The following ABCA7 variants were observed in gnomAD, a reference collection of about 807,000 sequenced individuals.
ABCA7 encodes ATP binding cassette subfamily A member 7.
Under a neutral mutation model 227.6 loss-of-function variants are expected in ABCA7, and 261 were observed. The ratio of observed to expected loss-of-function variants is 1.15; its 90% CI spans 1.04 to 1.27. The LOEUF (loss-of-function observed/expected upper bound fraction) is 1.27, where lower values mean the gene tolerates loss of function less well. Among genes scored for constraint, ABCA7 ranks in the 50% most tolerant of loss-of-function variants. The pLI, the probability that ABCA7 is intolerant of heterozygous loss-of-function variation, is 0.00. For synonymous variants in ABCA7, 1,488 were observed against 1,279.7 expected, an observed-to-expected ratio of 1.16 and a Z score of -3.47; for missense variants, 3,331 against 2,924.5, an observed-to-expected ratio of 1.14 and a Z score of -3.21.
At chr19:1,059,198 G>C in intron 40 of ABCA7, 113 bp downstream of exon 40, 1 of 1,046,612 alleles carries the variant, frequency 9.6e-7, no homozygotes, top group Non-Finnish European at 1.3e-6. Context: ...CTTTTATTGG[G>C]CACCTACTGT....
At chr19:1,064,296 G>C (rs765952523) in intron 45 of ABCA7, 43 bp downstream of exon 45, 1 of 1,519,232 alleles carries the variant, frequency 6.6e-7, no homozygotes. Flanking sequence ...GTGAGGGTGG[G>C]CACGTAGGTA....
At position 1,049,440 on chromosome 19, in the gene ABCA7, G is replaced by T. The variant is rs745322858; in HGVS notation, c.2552+3G>T. On this transcript the variant is annotated splice_donor_region_variant and intron_variant, in intron 18 of 46. Transcript: ENST00000263094. The stretch of plus-strand genomic sequence containing the variant: ...GGGGCCGGCAAGACCACCACCCTGT[G>T]AGCCCCCAACCACTCCCTCCCCGTG... The T allele has an allele frequency of 6.3e-7, 1 of 1,591,834 alleles. No homozygotes were observed. Among genetic ancestry groups the T allele is most frequent in the Non-Finnish European group, 8.6e-7 (1 of 1,167,362 alleles).
At chr19:1,046,755 G>T in intron 13 of ABCA7, 47 bp from the exon 14 acceptor site, 3 of 1,505,808 alleles carry the variant, frequency 2.0e-6, no homozygotes, top group East Asian at 2.5e-5. Flanking sequence ...GCGGAGGGGG[G>T]GTCTGCGGAG....
intron 40 of ABCA7, 106 bp from the exon 41 acceptor site, chr19:1,061,676 G>T (rs1408049477): frequency 9.1e-7 from 1 of 1,096,874 alleles, no homozygotes; most frequent in African/African-American, 1.7e-5. Context: ...TCCAGCCTGG[G>T]AAACAAGAGC....
rs376057391 is a variant in ABCA7, at chr19:1,049,246, A to T, written c.2381-20A>T. 33 of 1,578,144 alleles carry T rather than the reference A, an allele frequency of 2.1e-5. No individual in the cohort carries two copies. Among genetic ancestry groups the T allele is most frequent in the Non-Finnish European group, 2.6e-5 (30 of 1,157,044 alleles). ...AGGACCCCCATGACCTCCATGGCTG[A>T]GTCCACCCCATCTCTGCAGTGCTGG... On this transcript the variant is annotated intron_variant, in intron 17 of 46. Transcript: ENST00000263094.
At chr19:1,060,207 A>ATATATATATATATATATATTTT in intron 40 of ABCA7, among the ~76,000 whole-genome samples, 2 of 96,770 alleles carry the variant, frequency 2.1e-5, no homozygotes, top group African/African-American at 7.0e-5. Flanking sequence ...ATATATATAT[A>ATATATATATATATATATATTTT]TTTTTTTTTC....
In ABCA7 at chr19:1,063,838, C is replaced by A. The variant is rs906507214; in HGVS notation, c.5926C>A (p.Arg1976Ser). 20 of 1,540,662 alleles carry A rather than the reference C, an allele frequency of 1.3e-5. No individual in the cohort carries two copies. The highest frequency in any genetic ancestry group is 1.6e-5 in the Non-Finnish European group (18 of 1,143,992). ...NSLLAVVREG[R>S]SVMLTSHSME... ...CCTTTTGGCCGTGGTGCGGGAGGGC[C>A]GTTCAGTGATGCTCACCTCCCATAG... The change falls in exon 44 of 47, where the codon CGT (arginine) becomes AGT (serine). Residue 1976 changes from arginine (R) to serine (S), a missense_variant. By Grantham distance (110) the Arg-to-Ser change is moderately radical. Coordinates refer to ENST00000263094, the MANE Select transcript of ABCA7 (RefSeq NM_019112.4).
chr19:1,046,361 G>A lies in ABCA7; in HGVS notation c.1577G>A (p.Gly526Asp), dbSNP rs746179626. The A allele has an allele frequency of 3.8e-6, 6 of 1,593,660 alleles. No homozygotes were observed. In the East Asian group the frequency reaches 6.7e-5, roughly 18 times the overall value. Residue 526 changes from glycine to aspartate, a missense_variant, in exon 13 of 47, where the codon GGC becomes GAC. Transcript: ENST00000263094. ...CTCAGCGGCGCCAACCCCCGGGCCG[G>A]CCTCTACCTGCAGCAGATGCCCTAT... ...RVLSGANPRA[G>D]LYLQQMPYPC...
intron 12 of ABCA7, 35 bp downstream of exon 12, chr19:1,045,266 T>C: frequency 1.5e-6 from 1 of 689,016 alleles, no homozygotes; most frequent in East Asian, 3.7e-5. Flanking sequence ...GATGAGGGAC[T>C]GGGCGGGGCC....
At position 1,057,016 on chromosome 19, in the gene ABCA7, A is replaced by T; in HGVS notation, c.4696A>T (p.Lys1566Ter). 1 of 1,613,866 alleles carries T rather than the reference A, an allele frequency of 6.2e-7. No homozygotes were observed. The highest frequency in any genetic ancestry group is 1.1e-5 in the South Asian group (1 of 91,084). ...VLIEERVTRA[K>*]HLQLMGGLSP... ...CATTGAGGAGCGAGTCACCCGAGCCAAGCACCTGCAGCTCATGGGGGGCCT... is the reference window on the plus strand; with the variant it reads ...CATTGAGGAGCGAGTCACCCGAGCCTAGCACCTGCAGCTCATGGGGGGCCT... Residue 1566 changes from lysine (K) to a stop codon, truncating the protein, a stop_gained, in exon 34 of 47, where the codon AAG (lysine) becomes TAG (stop). Coordinates refer to ENST00000263094, the MANE Select transcript of ABCA7 (RefSeq NM_019112.4). LOFTEE classifies it high-confidence loss of function.
At chr19:1,051,408 C>G in intron 20 of ABCA7, 41 bp from the exon 21 acceptor site, 2 of 718,486 alleles carry the variant, frequency 2.8e-6, no homozygotes, top group Non-Finnish European at 4.1e-6. Context: ...TTGCCCAAGG[C>G]TGGGTGTGAC....
chr19:1,059,978 G>T (rs1035086477), intron 40 of ABCA7, among the ~76,000 whole-genome samples: 2 of 152,076 alleles, frequency 1.3e-5, no homozygotes, highest in African/African-American at 2.4e-5. Flanking sequence ...GTCCATCAAC[G>T]TTTATCAAAT....
At chr19:1,060,588 C>T (rs1227228762) in intron 40 of ABCA7, among the ~76,000 whole-genome samples, 3 of 146,500 alleles carry the variant, frequency 2.0e-5, no homozygotes, top group South Asian at 2.2e-4. Flanking sequence ...GTCACGATCT[C>T]GGCTCACTGC....
rs1482975239 is a variant in ABCA7, at chr19:1,054,532, G to T, written c.3727-38G>T. 1 of 1,596,658 alleles carries T rather than the reference G, an allele frequency of 6.3e-7. No homozygotes were observed. ...GGGACAGGTGCAAGCAAGCCTGGAG[G>T]GTGGATGGAAGCAGCAGCTGATGGG... On this transcript the variant is annotated intron_variant, in intron 27 of 46. Transcript: ENST00000263094. The surrounding 1 kb of genome is among the most constrained non-coding windows in gnomAD (Gnocchi z 4.8).
At position 1,054,054 on chromosome 19, in the gene ABCA7, T is replaced by C. The variant is rs748032900; in HGVS notation, c.3521T>C (p.Val1174Ala). Residue 1174 changes from valine (V) to alanine (A), a missense_variant, in exon 26 of 47, where the codon GTA (valine) becomes GCA (alanine). Physicochemically the swap from Val to Ala is moderately conservative, Grantham distance 64. Coordinates refer to ENST00000263094, the MANE Select transcript of ABCA7 (RefSeq NM_019112.4). This position sits in a 1 kb window ranked among gnomAD's most constrained non-coding sequence, Gnocchi z 4.8. ...TGCACAGGCATTGCTGGCCTAGACG[T>C]AACCCTACGGCTCAAGATGCCGCCA... ...HLCTGIAGLD[V>A]TLRLKMPPQE... 1 of 1,613,340 alleles carries C rather than the reference T, an allele frequency of 6.2e-7. No individual in the cohort carries two copies. Among genetic ancestry groups the C allele is most frequent in the East Asian group, 2.2e-5 (1 of 44,888 alleles).
At chr19:1,050,162 G>A (rs947146407) in intron 18 of ABCA7, among the ~76,000 whole-genome samples, 8 of 151,514 alleles carry the variant, frequency 5.3e-5, no homozygotes, top group Admixed American at 2.6e-4. Flanking sequence ...TGTAATCCCA[G>A]CACTTGGGCA....
chr19:1,044,889 C>T lies in ABCA7; in HGVS notation c.1216-113C>T, dbSNP rs1240013180. 4.0e-6 allele frequency: 6 copies of T among 1,483,008 alleles called. No individual in the cohort carries two copies. The African/African-American group carries it at 5.6e-5, about 14-fold the overall frequency. 91.9% of individuals were successfully genotyped at this position (1,483,008 alleles called of 1,614,324 possible). A position where few individuals can be genotyped will look rare whatever the true frequency, so the allele number is the denominator to read the frequency against. Reference sequence around the variant, plus strand: ...GTAGAGATCTCAGGAGGGAGCCGGCCGTGGGCCTACGAGGGGAAAACATGG... The same window carrying T: ...GTAGAGATCTCAGGAGGGAGCCGGCTGTGGGCCTACGAGGGGAAAACATGG... On this transcript the variant is annotated intron_variant, in intron 11 of 46. Transcript: ENST00000263094.
rs976432715 is a variant in ABCA7, at chr19:1,064,019, G to A, written c.5952-142G>A. ...GTAAGGACACACAGAGGTGGGACGCGGCGCCGGGATCAGAACGGTCTGGGG... is the reference window on the plus strand; with the variant it reads ...GTAAGGACACACAGAGGTGGGACGCAGCGCCGGGATCAGAACGGTCTGGGG... On this transcript the variant is annotated intron_variant, in intron 44 of 46. Coordinates refer to ENST00000263094, the MANE Select transcript of ABCA7 (RefSeq NM_019112.4). 6.0e-6 allele frequency: 8 copies of A among 1,330,174 alleles called. No homozygotes were observed. The East Asian group carries it at 1.3e-4, about 21-fold the overall frequency. 82.4% of individuals were successfully genotyped at this position (1,330,174 alleles called of 1,614,324 possible). A position where few individuals can be genotyped will look rare whatever the true frequency, so the allele number is the denominator to read the frequency against.
intron 40 of ABCA7, among the ~76,000 whole-genome samples, chr19:1,060,523 T>C (rs2042589066): frequency 8.9e-6 from 1 of 112,518 alleles, no homozygotes; most frequent in African/African-American, 4.5e-5. Context: ...TGTTTTTTTC[T>C]TTTTTTTTTT....
Sources: allele counts gnomAD v4.1 joint callset (sites outside exome capture counted in the v4.1 genomes callset), GRCh38; gene constraint gnomAD v4.1.1; non-coding constraint Gnocchi (gnomAD v3.1); transcripts MANE v1.5; gene names NCBI Gene and HGNC (gene_info 2026-07-23, HGNC 2026-07-21).